CDC42BPA: variants seen among roughly 807,000 people sequenced by gnomAD.
CDC42BPA encodes the protein serine/threonine-protein kinase MRCK alpha.
A neutral mutation model predicts 223.5 loss-of-function variants in CDC42BPA; 80 were observed. That is an observed-to-expected ratio of 0.36 (90% CI 0.30 to 0.43). The LOEUF (loss-of-function observed/expected upper bound fraction) is 0.43. CDC42BPA is among the 20% of genes least tolerant of loss of function. CDC42BPA has a pLI of 1.00. For missense variants in CDC42BPA, 1,743 were observed against 2,099.9 expected (o/e 0.83, Z 3.32); for synonymous variants, 694 against 718.6 (o/e 0.97, Z 0.55).
intron 14 of CDC42BPA, among the ~76,000 whole-genome samples, chr1:227,106,444 T>C (rs1685945454): frequency 6.6e-6 from 1 of 152,182 alleles, no homozygotes; most frequent in Admixed American, 6.5e-5. Context: ...GTTTTAATTT[T>C]GATAAAGCCC....
intron 23 of CDC42BPA, among the ~76,000 whole-genome samples, chr1:227,042,207 C>T (rs73089747): frequency 0.15 from 23,192 of 151,566 alleles, 2,149 homozygotes; most frequent in African/African-American, 0.25. Flanking sequence ...ACAAGACATA[C>T]CTGAAACAGT....
At chr1:227,010,509 G>C (rs1340530457) in intron 34 of CDC42BPA, among the ~76,000 whole-genome samples, 2 of 152,162 alleles carry the variant, frequency 1.3e-5, no homozygotes, top group African/African-American at 4.8e-5. Flanking sequence ...TATAGGGTAA[G>C]GAGCTAAAAA....
intron 2 of CDC42BPA, among the ~76,000 whole-genome samples, chr1:227,245,433 G>C (rs910132459): frequency 6.6e-6 from 1 of 151,946 alleles, no homozygotes; most frequent in Non-Finnish European, 1.5e-5. Context: ...TGGGACCACA[G>C]GCACGTGCCA....
At chr1:227,022,506 T>C (rs1667566371) in intron 32 of CDC42BPA, among the ~76,000 whole-genome samples, 1 of 152,144 alleles carries the variant, frequency 6.6e-6, no homozygotes, top group South Asian at 2.1e-4. Context: ...CCATAACAGA[T>C]CAGAAATTTA....
intron 2 of CDC42BPA, among the ~76,000 whole-genome samples, chr1:227,253,601 TAAATAAATACATACA>T (rs1207424628): frequency 9.6e-6 from 1 of 104,076 alleles, no homozygotes; most frequent in Non-Finnish European, 2.1e-5. Flanking sequence ...ATCTCAAAAA[TAAATAAATACATACA>T]TACATACATA....
At chr1:227,305,802 C>A (rs1692430889) in intron 1 of CDC42BPA, among the ~76,000 whole-genome samples, 1 of 151,622 alleles carries the variant, frequency 6.6e-6, no homozygotes, top group Admixed American at 6.6e-5. Flanking sequence ...CCCATCTCTA[C>A]TAAAAATACA....
chr1:227,277,845 G>T (rs1170111143), intron 1 of CDC42BPA, among the ~76,000 whole-genome samples: 2 of 152,024 alleles, frequency 1.3e-5, no homozygotes, highest in Non-Finnish European at 2.9e-5. Flanking sequence ...CACCTCCATG[G>T]TTCACATCAT....
At chr1:227,095,279 G>C (rs1002048377) in intron 15 of CDC42BPA, among the ~76,000 whole-genome samples, 1 of 152,122 alleles carries the variant, frequency 6.6e-6, no homozygotes, top group African/African-American at 2.4e-5. Context: ...CACCTTATTT[G>C]ATTATGTATA....
intron 34 of CDC42BPA, among the ~76,000 whole-genome samples, chr1:227,007,914 C>T (rs1409494575): frequency 1.3e-5 from 2 of 152,178 alleles, no homozygotes; most frequent in Admixed American, 1.3e-4. Flanking sequence ...CATACTTGCC[C>T]TTTAAACATA....
At chr1:227,166,882 T>C (rs965934732) in intron 5 of CDC42BPA, among the ~76,000 whole-genome samples, 1 of 151,978 alleles carries the variant, frequency 6.6e-6, no homozygotes, top group African/African-American at 2.4e-5. Context: ...GATACTTCAT[T>C]CAAACTTGGG....
chr1:227,039,257 G>T (rs1317745941), intron 24 of CDC42BPA, among the ~76,000 whole-genome samples: 1 of 152,104 alleles, frequency 6.6e-6, no homozygotes, highest in East Asian at 1.9e-4. Context: ...GTTCTTCAGG[G>T]ATGGACTAAA....
At chr1:227,083,738 TAG>T (rs1057498816) in intron 16 of CDC42BPA, among the ~76,000 whole-genome samples, 1 of 152,152 alleles carries the variant, frequency 6.6e-6, no homozygotes, top group African/African-American at 2.4e-5. Context: ...AGAGTAAAGA[TAG>T]ATCAAAGATT....
chr1:227,303,031 G>A (rs1156676030), intron 1 of CDC42BPA, among the ~76,000 whole-genome samples: 1 of 137,352 alleles, frequency 7.3e-6, no homozygotes, highest in African/African-American at 2.7e-5. Flanking sequence ...TCGAAGTTAT[G>A]CTTTCCCTGA....
At chr1:227,088,059 G>T (rs1682330643) in intron 16 of CDC42BPA, among the ~76,000 whole-genome samples, 1 of 152,152 alleles carries the variant, frequency 6.6e-6, no homozygotes, top group African/African-American at 2.4e-5. Context: ...AATGTATGTG[G>T]AATCGGTTAG....
intron 2 of CDC42BPA, among the ~76,000 whole-genome samples, chr1:227,214,905 C>T (rs1288513938): frequency 6.6e-6 from 1 of 152,076 alleles, no homozygotes; most frequent in African/African-American, 2.4e-5. Context: ...ATGCCAGGCA[C>T]TATGGTAAGA....
intron 2 of CDC42BPA, among the ~76,000 whole-genome samples, chr1:227,216,192 G>A (rs1331526598): frequency 2.0e-5 from 3 of 151,892 alleles, no homozygotes; most frequent in Non-Finnish European, 4.4e-5. Flanking sequence ...AAAAGATCAG[G>A]TATTTCTAAG....
intron 1 of CDC42BPA, among the ~76,000 whole-genome samples, chr1:227,255,575 G>A (rs1200640911): frequency 2.0e-5 from 3 of 152,170 alleles, no homozygotes; most frequent in African/African-American, 7.2e-5. Flanking sequence ...GATAACTTGA[G>A]CCCAGGTATT....
chr1:227,026,250 C>G (rs1668222375), intron 30 of CDC42BPA, 98 bp from the exon 31 acceptor site: 1 of 642,024 alleles, frequency 1.6e-6, no homozygotes, highest in Non-Finnish European at 2.7e-6. Flanking sequence ...AGAGTGGAAT[C>G]CCACCCAAAT....
chr1:227,210,587 C>T (rs35952573), intron 3 of CDC42BPA, among the ~76,000 whole-genome samples: 17,640 of 152,118 alleles, frequency 0.12, 1,248 homozygotes, highest in South Asian at 0.21. Context: ...TTTGCCACTT[C>T]CAGCTGTAAT....
Sources: gnomAD v4.1 joint callset for allele counts (sites outside exome capture counted in the v4.1 genomes callset) on GRCh38, gnomAD v4.1.1 for gene constraint, MANE v1.5 for transcripts, NCBI Gene and HGNC (gene_info 2026-07-23, HGNC 2026-07-21) for gene names.